Variants in GRM3 observed in about 807,000 individuals in gnomAD.
The protein encoded by GRM3 is glutamate metabotropic receptor 3.
In GRM3, 26 loss-of-function variants were observed where a neutral mutation model predicts 70.5. The ratio of observed to expected loss-of-function variants is 0.37; its 90% CI spans 0.27 to 0.51. The LOEUF (loss-of-function observed/expected upper bound fraction) is 0.51. Among genes scored for constraint, GRM3 ranks in the 20% least tolerant of loss-of-function variants. GRM3 has a pLI of 0.93. For synonymous variants in GRM3, 443 were observed against 434.9 expected (o/e 1.02, Z -0.23); for missense variants, 859 against 1,123.8 (o/e 0.76, Z 3.37).
chr7:86,852,790 G>C (rs899215695), intron 5 of GRM3, among the ~76,000 whole-genome samples: 2 of 151,970 alleles, frequency 1.3e-5, no homozygotes, highest in Admixed American at 1.3e-4. Flanking sequence ...ATTCAAAGTA[G>C]TTTTATATTC....
At chr7:86,732,705 T>C (rs533218216) in intron 1 of GRM3, among the ~76,000 whole-genome samples, 150 of 152,256 alleles carry the variant, frequency 9.9e-4, no homozygotes, top group Middle Eastern at 3.4e-3. Flanking sequence ...AAGTTTCCAA[T>C]GGTCATAGGG....
chr7:86,857,639 A>G (rs1584283251), intron 5 of GRM3, among the ~76,000 whole-genome samples: 1 of 152,210 alleles, frequency 6.6e-6, no homozygotes, highest in African/African-American at 2.4e-5. Context: ...AACTAATTTT[A>G]TTAGAGTTTA....
intron 3 of GRM3, among the ~76,000 whole-genome samples, chr7:86,822,508 C>T (rs1273440967): frequency 6.6e-6 from 1 of 151,716 alleles, no homozygotes; most frequent in African/African-American, 2.4e-5. Flanking sequence ...GCATATAAAG[C>T]AGAGAACAAG....
chr7:86,721,773 T>C (rs147159671), intron 1 of GRM3, among the ~76,000 whole-genome samples: 91 of 152,228 alleles, frequency 6.0e-4, no homozygotes, highest in African/African-American at 2.2e-3. Context: ...AACCAATGCA[T>C]TTTGAGGCAA....
chr7:86,826,537 A>G (rs1339614302), intron 3 of GRM3, among the ~76,000 whole-genome samples: 1 of 152,184 alleles, frequency 6.6e-6, no homozygotes, highest in Non-Finnish European at 1.5e-5. Flanking sequence ...CGGGGAAAGG[A>G]GAGGACTCCA....
At chr7:86,799,079 A>G (rs1014299450) in intron 3 of GRM3, among the ~76,000 whole-genome samples, 2 of 152,114 alleles carry the variant, frequency 1.3e-5, no homozygotes, top group African/African-American at 4.8e-5. Flanking sequence ...TTCCTTTGTT[A>G]GCTGTATTCC....
chr7:86,694,709 C>G (rs1465581031), intron 1 of GRM3, among the ~76,000 whole-genome samples: 1 of 152,022 alleles, frequency 6.6e-6, no homozygotes, highest in Non-Finnish European at 1.5e-5. Context: ...TCTGGTTTCA[C>G]TTAACAAGTG....
At chr7:86,834,474 T>C (rs1344445297) in intron 3 of GRM3, among the ~76,000 whole-genome samples, 1 of 152,166 alleles carries the variant, frequency 6.6e-6, no homozygotes, top group African/African-American at 2.4e-5. Flanking sequence ...TGAATATTCA[T>C]TTTAAGGATA....
Position 86,839,677 on chromosome 7 carries a change from G to T in GRM3, c.2163G>T (p.Glu721Asp). Residue 721 changes from glutamate (E) to aspartate (D), a missense_variant, in exon 4 of 6, where the codon GAG (glutamate) becomes GAT (aspartate). By Grantham distance (45) the Glu-to-Asp change is conservative. Transcript: ENST00000361669. This position sits in a 1 kb window ranked among gnomAD's most constrained non-coding sequence, Gnocchi z 4.5. ...APGTRRYTLA[E>D]KRETVILKCN... ...GCACCAGGAGGTATACCCTTGCAGA[G>T]AAGCGGGAAACAGTCATCCTAAAAT... The T allele has an allele frequency of 6.2e-7, 1 of 1,614,004 alleles. No homozygotes were observed. The highest frequency in any genetic ancestry group is 8.5e-7 in the Non-Finnish European group (1 of 1,179,918).
chr7:86,729,361 A>AT (rs1795667814), intron 1 of GRM3, among the ~76,000 whole-genome samples: 1 of 152,240 alleles, frequency 6.6e-6, no homozygotes, highest in Non-Finnish European at 1.5e-5. Flanking sequence ...TGTCTGGTGT[A>AT]TAACGTGTTC....
intron 3 of GRM3, among the ~76,000 whole-genome samples, chr7:86,818,747 A>G (rs1798063657): frequency 6.6e-6 from 1 of 152,152 alleles, no homozygotes; most frequent in Non-Finnish European, 1.5e-5. Flanking sequence ...AATACCCAGC[A>G]GATACCTATA....
intron 4 of GRM3, among the ~76,000 whole-genome samples, chr7:86,843,689 G>T (rs1187294673): frequency 6.6e-6 from 1 of 152,088 alleles, no homozygotes. Context: ...AAATATTTGA[G>T]GACTTATTAT....
At chr7:86,755,016 A>G (rs1262313372) in intron 1 of GRM3, among the ~76,000 whole-genome samples, 1 of 152,066 alleles carries the variant, frequency 6.6e-6, no homozygotes, top group Admixed American at 6.6e-5. Context: ...ATTTTCTTAA[A>G]TCATCCTGCT....
At chr7:86,712,158 A>G (rs1016306344) in intron 1 of GRM3, among the ~76,000 whole-genome samples, 4 of 151,900 alleles carry the variant, frequency 2.6e-5, no homozygotes, top group Non-Finnish European at 5.9e-5. Context: ...CTTGCCCCTT[A>G]ACCTCCTCTT....
chr7:86,672,073 A>C (rs912550732), intron 1 of GRM3, among the ~76,000 whole-genome samples: 1 of 152,126 alleles, frequency 6.6e-6, no homozygotes, highest in African/African-American at 2.4e-5. Flanking sequence ...CCACTCCTGG[A>C]TAAAAACTCA....
intron 1 of GRM3, among the ~76,000 whole-genome samples, chr7:86,718,825 A>G (rs1439553285): frequency 6.6e-6 from 1 of 151,970 alleles, no homozygotes; most frequent in Admixed American, 6.6e-5. Context: ...AAAAACTTAC[A>G]ATTCTAAACT....
chr7:86,832,345 G>C (rs957561756), intron 3 of GRM3, among the ~76,000 whole-genome samples: 4 of 150,614 alleles, frequency 2.7e-5, no homozygotes, highest in Non-Finnish European at 5.9e-5. Flanking sequence ...CTGCCTCCCG[G>C]GTTCAAGCGA....
At chr7:86,708,125 G>A (rs1795101916) in intron 1 of GRM3, among the ~76,000 whole-genome samples, 1 of 152,134 alleles carries the variant, frequency 6.6e-6, no homozygotes, top group South Asian at 2.1e-4. Context: ...AATTAACTAT[G>A]GCACTGTGTG....
chr7:86,680,038 C>T (rs902325541), intron 1 of GRM3, among the ~76,000 whole-genome samples: 6 of 152,184 alleles, frequency 3.9e-5, no homozygotes, highest in East Asian at 1.9e-4. Context: ...TGAAATCAAG[C>T]GTGCAGAACA....
Sources: allele counts gnomAD v4.1 joint callset (sites outside exome capture counted in the v4.1 genomes callset), GRCh38; gene constraint gnomAD v4.1.1; non-coding constraint Gnocchi (gnomAD v3.1); transcripts MANE v1.5; gene names NCBI Gene and HGNC (gene_info 2026-07-23, HGNC 2026-07-21).